CAPZB: variants seen among roughly 807,000 people sequenced by gnomAD.
The protein encoded by CAPZB is F-actin-capping protein subunit beta.
Under a neutral mutation model 38.1 loss-of-function variants are expected in CAPZB, and 2 were observed. That is an observed-to-expected ratio of 0.05 (90% CI 0.02 to 0.17). The LOEUF (loss-of-function observed/expected upper bound fraction) is 0.17. CAPZB is among the 10% of genes least tolerant of loss of function. The probability of loss-of-function intolerance (pLI) is 1.00; values close to 1 mark genes in which losing one functional copy is unlikely to be tolerated. For missense variants in CAPZB, 161 were observed against 334.2 expected (o/e 0.48, Z 4.04); for synonymous variants, 107 against 127.4 (o/e 0.84, Z 1.08).
At chr1:19,352,379 A>T (rs2093996214) in intron 6 of CAPZB, among the ~76,000 whole-genome samples, 1 of 152,232 alleles carries the variant, frequency 6.6e-6, no homozygotes, top group Admixed American at 6.5e-5. Flanking sequence ...AAATATTTAG[A>T]AGCTGAGAAA....
intron 2 of CAPZB, among the ~76,000 whole-genome samples, chr1:19,402,831 T>C (rs1198113278): frequency 6.6e-6 from 1 of 152,154 alleles, no homozygotes; most frequent in Non-Finnish European, 1.5e-5. Flanking sequence ...GTAGATCACC[T>C]GAGGTCAGGA....
At chr1:19,481,034 T>C (rs2094626628) in intron 1 of CAPZB, among the ~76,000 whole-genome samples, 1 of 152,216 alleles carries the variant, frequency 6.6e-6, no homozygotes, top group Non-Finnish European at 1.5e-5. Flanking sequence ...AGATATTACT[T>C]AACCCTCATT....
chr1:19,478,181 G>A (rs1282103575), intron 1 of CAPZB, among the ~76,000 whole-genome samples: 1 of 152,182 alleles, frequency 6.6e-6, no homozygotes, highest in Non-Finnish European at 1.5e-5. Flanking sequence ...TGTTTAAACA[G>A]AATGAGCCCC....
chr1:19,354,049 C>T (rs1157958179), intron 6 of CAPZB, among the ~76,000 whole-genome samples: 1 of 152,198 alleles, frequency 6.6e-6, no homozygotes, highest in Non-Finnish European at 1.5e-5. Context: ...GAATTAAGAC[C>T]AAAACAGTTG....
At chr1:19,381,425 G>A (rs1304643142) in intron 3 of CAPZB, among the ~76,000 whole-genome samples, 1 of 152,052 alleles carries the variant, frequency 6.6e-6, no homozygotes, top group Non-Finnish European at 1.5e-5. Flanking sequence ...ACCCAGCCCT[G>A]AGTTAGTGCC....
chr1:19,401,758 A>T (rs2094304353), intron 2 of CAPZB, among the ~76,000 whole-genome samples: 1 of 152,140 alleles, frequency 6.6e-6, no homozygotes, highest in Non-Finnish European at 1.5e-5. Flanking sequence ...GCATTTTTCC[A>T]GGTATTTCCA....
chr1:19,394,925 CTCAT>C (rs2094257996), intron 2 of CAPZB, among the ~76,000 whole-genome samples: 1 of 152,006 alleles, frequency 6.6e-6, no homozygotes, highest in African/African-American at 2.4e-5. Context: ...CTGATCCTCC[CTCAT>C]GACGCAGGGA....
intron 6 of CAPZB, among the ~76,000 whole-genome samples, chr1:19,346,990 T>TTTTTA (rs1553267342): frequency 6.6e-6 from 1 of 151,052 alleles, no homozygotes; most frequent in Non-Finnish European, 1.5e-5. Flanking sequence ...CGTCCGGCTT[T>TTTTTA]TTTTTATTTT....
At chr1:19,435,702 G>A (rs2094456066) in intron 1 of CAPZB, among the ~76,000 whole-genome samples, 1 of 152,214 alleles carries the variant, frequency 6.6e-6, no homozygotes, top group Non-Finnish European at 1.5e-5. Flanking sequence ...GAGGTACGGA[G>A]AGAGTGGTGA....
chr1:19,353,739 A>G (rs188201529), intron 6 of CAPZB, among the ~76,000 whole-genome samples: 93 of 152,362 alleles, frequency 6.1e-4, no homozygotes, highest in African/African-American at 2.2e-3. Context: ...AGCCTCTAGT[A>G]GTGAACACAC....
chr1:19,383,104 C>G (rs1342138912), intron 3 of CAPZB, among the ~76,000 whole-genome samples: 2 of 115,910 alleles, frequency 1.7e-5, no homozygotes, highest in Non-Finnish European at 3.6e-5. Context: ...CAAAATGAGG[C>G]CCCCATCTCT....
At chr1:19,415,035 G>A (rs1249772840) in intron 2 of CAPZB, among the ~76,000 whole-genome samples, 1 of 152,240 alleles carries the variant, frequency 6.6e-6, no homozygotes, top group Non-Finnish European at 1.5e-5. Context: ...GGCTGCCTTG[G>A]CCTGGCTGCC....
intron 6 of CAPZB, among the ~76,000 whole-genome samples, chr1:19,346,995 T>A (rs898118828): frequency 6.7e-6 from 1 of 149,418 alleles, no homozygotes; most frequent in African/African-American, 2.5e-5. Context: ...GGCTTTTTTT[T>A]ATTTTTATTT....
chr1:19,442,028 A>AG (rs1553287700), intron 1 of CAPZB, among the ~76,000 whole-genome samples: 8 of 150,858 alleles, frequency 5.3e-5, no homozygotes, highest in African/African-American at 2.0e-4. Flanking sequence ...AAAAAAAAAA[A>AG]GCACAGGAGA....
At chr1:19,414,599 C>T (rs2094371319) in intron 2 of CAPZB, among the ~76,000 whole-genome samples, 1 of 152,202 alleles carries the variant, frequency 6.6e-6, no homozygotes, top group South Asian at 2.1e-4. Flanking sequence ...AACAGATTCA[C>T]GGCTATTTTT....
chr1:19,434,121 C>T (rs753764887), intron 1 of CAPZB, among the ~76,000 whole-genome samples: 5 of 152,210 alleles, frequency 3.3e-5, no homozygotes, highest in Non-Finnish European at 7.3e-5. Flanking sequence ...TAGGGAGATG[C>T]CTGAAACATG....
At chr1:19,441,886 G>T (rs1005252147) in intron 1 of CAPZB, among the ~76,000 whole-genome samples, 1 of 151,720 alleles carries the variant, frequency 6.6e-6, no homozygotes, top group Non-Finnish European at 1.5e-5. Context: ...TGGATGCCTT[G>T]TAATCCCAGC....
intron 1 of CAPZB, among the ~76,000 whole-genome samples, chr1:19,457,533 A>G (rs1369844098): frequency 6.6e-6 from 1 of 152,200 alleles, no homozygotes; most frequent in Non-Finnish European, 1.5e-5. Flanking sequence ...GAGAAATGAC[A>G]TTGCAACCCG....
At chr1:19,399,047 A>G (rs1481725717) in intron 2 of CAPZB, among the ~76,000 whole-genome samples, 2 of 151,908 alleles carry the variant, frequency 1.3e-5, no homozygotes, top group Non-Finnish European at 2.9e-5. Flanking sequence ...TAGTAGAGAC[A>G]GGGTTTCACC....
Sources: gnomAD v4.1 joint callset for allele counts (sites outside exome capture counted in the v4.1 genomes callset) on GRCh38, gnomAD v4.1.1 for gene constraint, MANE v1.5 for transcripts, NCBI Gene and HGNC (gene_info 2026-07-23, HGNC 2026-07-21) for gene names.